Variants in TAFA1 observed in about 807,000 individuals in gnomAD.
TAFA1 encodes the protein chemokine-like protein TAFA-1.
In TAFA1, 4 loss-of-function variants were observed where a neutral mutation model predicts 18.5. The ratio of observed to expected loss-of-function variants is 0.22; its 90% CI spans 0.11 to 0.49. TAFA1 has a LOEUF of 0.49. Ranked by LOEUF, TAFA1 falls within the 20% of genes least tolerant of loss-of-function variation. The pLI is 0.98. For missense variants in TAFA1, 147 were observed against 169.0 expected, an observed-to-expected ratio of 0.87 and a Z score of 0.72; for synonymous variants, 56 against 55.2, an observed-to-expected ratio of 1.01 and a Z score of -0.06.
intron 2 of TAFA1, among the ~76,000 whole-genome samples, chr3:68,083,480 T>A (rs1198573948): frequency 6.6e-6 from 1 of 152,230 alleles, no homozygotes; most frequent in Non-Finnish European, 1.5e-5. Flanking sequence ...TCTTTGTTCT[T>A]CCTTATTCCA....
intron 2 of TAFA1, among the ~76,000 whole-genome samples, chr3:68,035,294 T>G (rs1290875693): frequency 6.6e-6 from 1 of 152,130 alleles, no homozygotes; most frequent in East Asian, 1.9e-4. Context: ...CACAAACCTA[T>G]TTTGCTAATA....
chr3:68,480,689 T>C (rs2072217566), intron 3 of TAFA1, among the ~76,000 whole-genome samples: 1 of 152,180 alleles, frequency 6.6e-6, no homozygotes, highest in African/African-American at 2.4e-5. Context: ...CAGTTGTCAG[T>C]AGCTATTGTT....
chr3:68,520,352 C>G (rs2073001880), intron 3 of TAFA1, among the ~76,000 whole-genome samples: 1 of 152,128 alleles, frequency 6.6e-6, no homozygotes, highest in East Asian at 1.9e-4. Flanking sequence ...TATTAGAAGC[C>G]TTTTCTTTAG....
chr3:68,520,684 G>A (rs1333019664), intron 3 of TAFA1, among the ~76,000 whole-genome samples: 1 of 152,196 alleles, frequency 6.6e-6, no homozygotes, highest in South Asian at 2.1e-4. Context: ...TGCCTGTTCT[G>A]TAACTTCTGC....
Position 68,405,987 on chromosome 3 carries a change from G to A in TAFA1, c.119-11293G>A, listed in dbSNP as rs531168629. On this transcript the variant is annotated intron_variant, in intron 2 of 4. Transcript: ENST00000478136. ...ATAGTATACCTACTATGTGCTGCTC[G>A]ATTTATTAATTACTTTTCATATACA... 2.6e-5 allele frequency among the ~76,000 whole-genome samples: 4 copies of A among 152,078 alleles called. No homozygotes were observed. The South Asian group carries it at 6.2e-4, about 24-fold the overall frequency.
intron 2 of TAFA1, among the ~76,000 whole-genome samples, chr3:68,236,065 T>C (rs559618362): frequency 2.0e-5 from 3 of 152,266 alleles, no homozygotes; most frequent in African/African-American, 4.8e-5. Flanking sequence ...ATTAATGTAA[T>C]TATTGAGAGT....
At chr3:68,048,415 G>A (rs141080383) in intron 2 of TAFA1, among the ~76,000 whole-genome samples, 1 of 151,846 alleles carries the variant, frequency 6.6e-6, no homozygotes, top group African/African-American at 2.4e-5. Context: ...GATAAATGAG[G>A]CATCTATCAC....
At chr3:68,049,048 A>G (rs1172109681) in intron 2 of TAFA1, among the ~76,000 whole-genome samples, 2 of 152,186 alleles carry the variant, frequency 1.3e-5, no homozygotes, top group East Asian at 1.9e-4. Context: ...ACTGTTCTCC[A>G]TAGTGATTGC....
At chr3:68,070,961 TCCAAA>T (rs1387737365) in intron 2 of TAFA1, among the ~76,000 whole-genome samples, 2 of 152,216 alleles carry the variant, frequency 1.3e-5, no homozygotes, top group African/African-American at 4.8e-5. Flanking sequence ...TCTAGGGAGT[TCCAAA>T]CTTCCCCACA....
chr3:68,383,262 C>T lies in TAFA1; in HGVS notation c.119-34018C>T, dbSNP rs117420753. Among the ~76,000 whole-genome samples, 688 of 55,152 alleles carry T rather than the reference C, an allele frequency of 0.012. 17 individuals carry two copies. In the East Asian group the frequency reaches 0.18, roughly 14 times the overall value. The allele number at this position is 55,152 out of a possible 152,430, so 36.2% of individuals were successfully genotyped here. On this transcript the variant is annotated intron_variant, in intron 2 of 4. Transcript: ENST00000478136. ...TCAGAGAGGGTATCCTTGTCTTTTGCGGGTTTTGAGGGGAAATGTTCCAGC... is the reference window on the plus strand; with the variant it reads ...TCAGAGAGGGTATCCTTGTCTTTTGTGGGTTTTGAGGGGAAATGTTCCAGC...
At chr3:68,257,260 G>A (rs985942106) in intron 2 of TAFA1, among the ~76,000 whole-genome samples, 3 of 151,940 alleles carry the variant, frequency 2.0e-5, no homozygotes, top group Non-Finnish European at 2.9e-5. Flanking sequence ...CCAGCCACCC[G>A]ACCCCAGAAT....
chr3:68,301,173 C>T (rs1224468365), intron 2 of TAFA1, among the ~76,000 whole-genome samples: 1 of 152,096 alleles, frequency 6.6e-6, no homozygotes, highest in Admixed American at 6.5e-5. Context: ...GTTCCCTGTC[C>T]CATTGTCACT....
At chr3:68,533,212 G>A (rs1382794576) in intron 3 of TAFA1, among the ~76,000 whole-genome samples, 1 of 151,980 alleles carries the variant, frequency 6.6e-6, no homozygotes, top group African/African-American at 2.4e-5. Context: ...AAGAAGAAGA[G>A]GTTTAATAGA....
rs1027820111 is a variant in TAFA1 at position 68,033,306 on chromosome 3, A to G, written c.118+26562A>G. 1.1e-4 allele frequency among the ~76,000 whole-genome samples: 16 copies of G among 152,140 alleles called. 1 individual carries two copies. The highest frequency in any genetic ancestry group is 1.9e-4 in the African/African-American group (8 of 41,424). The stretch of plus-strand genomic sequence containing the variant: ...ATCTTCACCTTCTGTCTGTCCTCAC[A>G]GTTGGGGATTATACTTTGACTTTCA... On this transcript the variant is annotated intron_variant, in intron 2 of 4. Transcript: ENST00000478136.
At chr3:68,425,103 G>A (rs191323926) in intron 3 of TAFA1, among the ~76,000 whole-genome samples, 4 of 151,926 alleles carry the variant, frequency 2.6e-5, no homozygotes, top group African/African-American at 9.7e-5. Context: ...CTGCAGCTTG[G>A]AAATCATCTA....
intron 2 of TAFA1, among the ~76,000 whole-genome samples, chr3:68,061,025 G>T (rs1168439222): frequency 1.3e-5 from 2 of 152,124 alleles, no homozygotes; most frequent in Admixed American, 6.5e-5. Flanking sequence ...TTTCTTGCTG[G>T]CTCTCTCTGG....
At chr3:68,345,544 A>G (rs2069151491) in intron 2 of TAFA1, among the ~76,000 whole-genome samples, 1 of 152,230 alleles carries the variant, frequency 6.6e-6, no homozygotes, top group Admixed American at 6.5e-5. Flanking sequence ...AAACGTGAGA[A>G]ATCAGCAATC....
At chr3:68,307,835 G>A (rs115309026) in intron 2 of TAFA1, among the ~76,000 whole-genome samples, 273 of 152,232 alleles carry the variant, frequency 1.8e-3, no homozygotes, top group African/African-American at 4.5e-3. Context: ...GCTGAGGTCA[G>A]GATTAGTTAT....
intron 2 of TAFA1, among the ~76,000 whole-genome samples, chr3:68,345,265 C>A (rs1305007938): frequency 2.0e-5 from 3 of 152,106 alleles, no homozygotes; most frequent in Admixed American, 1.3e-4. Context: ...TGAAAGTGAG[C>A]AACCAGGGCC....
Sources: gnomAD v4.1 joint callset for allele counts (sites outside exome capture counted in the v4.1 genomes callset) on GRCh38, gnomAD v4.1.1 for gene constraint, MANE v1.5 for transcripts, NCBI Gene and HGNC (gene_info 2026-07-23, HGNC 2026-07-21) for gene names.